MAGI2: variants seen among roughly 807,000 people sequenced by gnomAD.
MAGI2 encodes the protein membrane associated guanylate kinase, WW and PDZ domain containing 2.
A neutral mutation model predicts 133.3 loss-of-function variants in MAGI2; 35 were observed. That is an observed-to-expected ratio of 0.26 (90% confidence interval 0.20 to 0.35). The LOEUF is 0.35. Ranked by LOEUF, MAGI2 falls within the 10% of genes least tolerant of loss-of-function variation. The pLI, the probability that MAGI2 is intolerant of heterozygous loss-of-function variation, is 1.00. For missense variants in MAGI2, 1,636 were observed against 1,863.4 expected (o/e 0.88, Z 2.25); for synonymous variants, 729 against 710.6 (o/e 1.03, Z -0.41).
At chr7:78,390,721 A>C (rs191810391) in intron 6 of MAGI2, among the ~76,000 whole-genome samples, 2 of 152,256 alleles carry the variant, frequency 1.3e-5, no homozygotes, top group Admixed American at 6.5e-5. Flanking sequence ...TTTCTACTGC[A>C]ACACATTTAG....
At chr7:79,373,552 A>G (rs1843188988) in intron 1 of MAGI2, among the ~76,000 whole-genome samples, 1 of 152,060 alleles carries the variant, frequency 6.6e-6, no homozygotes, top group Non-Finnish European at 1.5e-5. Flanking sequence ...CACTCAATAT[A>G]TATTAGCCAG....
At chr7:78,108,810 GATA>G (rs1010572120) in intron 20 of MAGI2, among the ~76,000 whole-genome samples, 17 of 151,894 alleles carry the variant, frequency 1.1e-4, no homozygotes, top group African/African-American at 2.9e-4. Flanking sequence ...TACTCAAAAG[GATA>G]ATAACAGAGA....
intron 9 of MAGI2, among the ~76,000 whole-genome samples, chr7:78,263,554 C>T (rs1793716817): frequency 6.6e-6 from 1 of 151,766 alleles, no homozygotes. Flanking sequence ...GTTCTAAAGT[C>T]TCACCCCATT....
At chr7:78,380,546 AAC>A (rs1794828550) in intron 6 of MAGI2, among the ~76,000 whole-genome samples, 3 of 152,134 alleles carry the variant, frequency 2.0e-5, no homozygotes, top group Non-Finnish European at 2.9e-5. Flanking sequence ...TAAAACTTGA[AAC>A]AACCGAACTC....
At chr7:79,156,235 A>T (rs2129547345) in intron 1 of MAGI2, among the ~76,000 whole-genome samples, 1 of 152,294 alleles carries the variant, frequency 6.6e-6, no homozygotes, top group Middle Eastern at 3.4e-3. Context: ...GAAGAAAATC[A>T]AAATATTTTA....
intron 1 of MAGI2, among the ~76,000 whole-genome samples, chr7:79,171,301 C>G (rs1455596042): frequency 6.6e-6 from 1 of 152,092 alleles, no homozygotes; most frequent in East Asian, 1.9e-4. Flanking sequence ...GGGTATTCTC[C>G]CCCTGAGTGT....
In MAGI2 at chr7:79,391,530, T is replaced by G. The variant is rs865827340; in HGVS notation, c.301+61490A>C. Among the ~76,000 whole-genome samples, 644 of 91,682 alleles carry G rather than the reference T, an allele frequency of 7.0e-3. 23 individuals are homozygous for G. The highest frequency in any genetic ancestry group is 0.036 in the African/African-American group (549 of 15,452). The allele number at this position is 91,682 out of a possible 152,430, so 60.1% of individuals were successfully genotyped here. On this transcript the variant is annotated intron_variant, in intron 1 of 21. Transcript: ENST00000354212. ...AGACATATATATATATATATATATATATATATAGACATATATATATATATA... is the reference window on the plus strand; with the variant it reads ...AGACATATATATATATATATATATAGATATATAGACATATATATATATATA...
chr7:78,355,549 G>A (rs992072212), intron 7 of MAGI2, among the ~76,000 whole-genome samples: 2 of 152,186 alleles, frequency 1.3e-5, no homozygotes, highest in African/African-American at 4.8e-5. Context: ...GCTCTTCCTA[G>A]AGGGTAAAAC....
intron 13 of MAGI2, among the ~76,000 whole-genome samples, chr7:78,179,508 T>G (rs1485888502): frequency 2.6e-5 from 4 of 152,232 alleles, no homozygotes; most frequent in African/African-American, 9.6e-5. Flanking sequence ...CATTCACTTC[T>G]GAGACGTGGG....
chr7:79,434,048 C>T (rs971956406), intron 1 of MAGI2, among the ~76,000 whole-genome samples: 10 of 151,808 alleles, frequency 6.6e-5, no homozygotes, highest in Admixed American at 3.3e-4. Flanking sequence ...TTCCTTAGTT[C>T]TCAAATAGAA....
intron 10 of MAGI2, among the ~76,000 whole-genome samples, chr7:78,244,030 A>C (rs780846798): frequency 2.4e-4 from 36 of 151,640 alleles, no homozygotes; most frequent in Admixed American, 9.2e-4. Flanking sequence ...AAAAGCACTA[A>C]TAAGAAATAA....
intron 1 of MAGI2, among the ~76,000 whole-genome samples, chr7:79,235,066 G>C (rs1398100380): frequency 6.6e-6 from 1 of 151,806 alleles, no homozygotes; most frequent in Non-Finnish European, 1.5e-5. Context: ...TGAGGTGTCA[G>C]TGTGCCCCTG....
chr7:78,288,731 G>A (rs1268705390), intron 9 of MAGI2, among the ~76,000 whole-genome samples: 2 of 152,160 alleles, frequency 1.3e-5, no homozygotes, highest in Non-Finnish European at 2.9e-5. Flanking sequence ...CGTGCAGCCG[G>A]GTGCCCCTCT....
intron 1 of MAGI2, among the ~76,000 whole-genome samples, chr7:79,239,425 C>T (rs1015581680): frequency 2.0e-5 from 3 of 152,188 alleles, no homozygotes; most frequent in African/African-American, 7.2e-5. Context: ...TGCCGTATCA[C>T]ATGTCACTGA....
intron 2 of MAGI2, among the ~76,000 whole-genome samples, chr7:79,006,419 C>T (rs757138884): frequency 7.2e-5 from 11 of 152,198 alleles, no homozygotes; most frequent in Non-Finnish European, 1.3e-4. Context: ...TTTAAAAGTC[C>T]TTCATTTGTC....
rs1796733879 is a variant in MAGI2, at chr7:78,891,368, A to G, written c.418+115722T>C. ...ATAGAAAAAGAGAGAATCCTCCCTAACTCATTTTTTGAGGCCAGCATCATC... is the reference window on the plus strand; with the variant it reads ...ATAGAAAAAGAGAGAATCCTCCCTAGCTCATTTTTTGAGGCCAGCATCATC... On this transcript the variant is annotated intron_variant, in intron 2 of 21. Transcript: ENST00000354212. Among the ~76,000 whole-genome samples the G allele has an allele frequency of 3.3e-5, 5 of 152,316 alleles. No homozygotes were observed. In the South Asian group the frequency reaches 1.0e-3, roughly 32 times the overall value.
intron 1 of MAGI2, among the ~76,000 whole-genome samples, chr7:79,277,960 T>C (rs184772214): frequency 1.3e-5 from 2 of 152,290 alleles, no homozygotes; most frequent in African/African-American, 4.8e-5. Flanking sequence ...CCCAATCATA[T>C]TGACCAACCT....
chr7:79,243,633 T>C (rs1477835329), intron 1 of MAGI2, among the ~76,000 whole-genome samples: 1 of 152,210 alleles, frequency 6.6e-6, no homozygotes, highest in Non-Finnish European at 1.5e-5. Flanking sequence ...TTGGGGACAT[T>C]CTGGTGATAG....
intron 1 of MAGI2, among the ~76,000 whole-genome samples, chr7:79,340,678 A>T (rs1840824606): frequency 6.6e-6 from 1 of 152,032 alleles, no homozygotes; most frequent in South Asian, 2.1e-4. Flanking sequence ...GTTTTTTCCT[A>T]GACAAGCTTT....
Sources: gnomAD v4.1 joint callset for allele counts (sites outside exome capture counted in the v4.1 genomes callset) on GRCh38, gnomAD v4.1.1 for gene constraint, MANE v1.5 for transcripts, NCBI Gene and HGNC (gene_info 2026-07-23, HGNC 2026-07-21) for gene names.